MCF2L2: variants seen among roughly 807,000 people sequenced by gnomAD.
MCF2L2 encodes the protein MCF.2 cell line derived transforming sequence-like 2, also known as probable guanine nucleotide exchange factor MCF2L2.
In MCF2L2, 102 loss-of-function variants were observed where a neutral mutation model predicts 150.2. The ratio of observed to expected loss-of-function variants is 0.68; its 90% CI spans 0.58 to 0.80. MCF2L2 has a LOEUF of 0.80. Among genes scored for constraint, MCF2L2 ranks in the 30% least tolerant of loss-of-function variants. The pLI is 0.00. For synonymous variants in MCF2L2, 465 were observed against 491.3 expected (o/e 0.95, Z 0.71); for missense variants, 1,256 against 1,372.8 (o/e 0.91, Z 1.34).
At chr3:183,361,002 A>AG (rs1577091323) in intron 3 of MCF2L2, among the ~76,000 whole-genome samples, 24 of 137,082 alleles carry the variant, frequency 1.8e-4, no homozygotes, top group African/African-American at 5.9e-4. Flanking sequence ...AGAAAAGAAA[A>AG]GAAAAGAAAA....
rs112332785 is a variant in MCF2L2, at chr3:183,188,745, A to G, written c.3016+4254T>C. 1.9e-3 allele frequency among the ~76,000 whole-genome samples: 288 copies of G among 152,294 alleles called. 2 individuals carry two copies. Among genetic ancestry groups the G allele is most frequent in the African/African-American group, 6.7e-3 (277 of 41,552 alleles). The stretch of plus-strand genomic sequence containing the variant: ...CACTCTGGGAGGCAGAGGGGGATGG[A>G]TCACTAGAGGTCAGGAGTTCAAGAC... On this transcript the variant is annotated intron_variant, in intron 27 of 29. Transcript: ENST00000328913.
At chr3:183,336,929 TCCA>T (rs891100162) in intron 5 of MCF2L2, among the ~76,000 whole-genome samples, 1 of 151,682 alleles carries the variant, frequency 6.6e-6, no homozygotes, top group Non-Finnish European at 1.5e-5. Context: ...CCAATTAGTC[TCCA>T]CCACCCCTCA....
chr3:183,359,001 G>A (rs1375380737), intron 3 of MCF2L2, among the ~76,000 whole-genome samples: 2 of 142,432 alleles, frequency 1.4e-5, no homozygotes, highest in African/African-American at 5.6e-5. Context: ...AAAGTTCATT[G>A]GGTTTTTTTT....
chr3:183,270,379 A>G lies in MCF2L2; in HGVS notation c.1862+6493T>C, dbSNP rs1726643518. The G allele has an allele frequency of 6.2e-7, 1 of 1,614,116 alleles. No individual in the cohort carries two copies. The highest frequency in any genetic ancestry group is 1.3e-5 in the African/African-American group (1 of 74,942). On this transcript the variant is annotated intron_variant, in intron 15 of 29. Coordinates refer to ENST00000328913, the MANE Select transcript of MCF2L2 (RefSeq NM_015078.4). This position sits in a 1 kb window ranked among gnomAD's most constrained non-coding sequence, Gnocchi z 4.5. ...GCCAAATTTCTTATGACTGCTGATGATGACATATTTATTCACATGCCAAAT... is the reference window on the plus strand; with the variant it reads ...GCCAAATTTCTTATGACTGCTGATGGTGACATATTTATTCACATGCCAAAT...
chr3:183,317,982 T>C (rs1464105734), intron 7 of MCF2L2, 86 bp downstream of exon 7: 2 of 1,507,612 alleles, frequency 1.3e-6, no homozygotes, highest in Non-Finnish European at 1.8e-6. Flanking sequence ...AGGGCTTAAC[T>C]GTTAATTCTG....
chr3:183,351,005 ACTC>A (rs1331499218), intron 3 of MCF2L2, among the ~76,000 whole-genome samples: 1 of 151,182 alleles, frequency 6.6e-6, no homozygotes, highest in Non-Finnish European at 1.5e-5. Context: ...GTAACACTAT[ACTC>A]CTTCATTTTC....
intron 3 of MCF2L2, among the ~76,000 whole-genome samples, chr3:183,343,975 G>A (rs7640709): frequency 0.26 from 38,763 of 151,714 alleles, 7,147 homozygotes; most frequent in African/African-American, 0.52. Context: ...GTTCAAGGCC[G>A]GCCTGAGCAA....
Position 183,310,268 on chromosome 3 carries a change from G to A in MCF2L2, c.994-433C>T, listed in dbSNP as rs563502955. On this transcript the variant is annotated intron_variant, in intron 9 of 29. Coordinates refer to ENST00000328913, the MANE Select transcript of MCF2L2 (RefSeq NM_015078.4). ...TGTAATCCCAGCACTTTGGGAGACC[G>A]AGGCAGGTAGGTCACAGAGGTCAGG... 3.3e-5 allele frequency among the ~76,000 whole-genome samples: 5 copies of A among 152,240 alleles called. No homozygotes were observed. The South Asian group carries it at 6.2e-4, about 19-fold the overall frequency.
At chr3:183,242,053 C>T (rs1240705807) in intron 15 of MCF2L2, among the ~76,000 whole-genome samples, 1 of 152,140 alleles carries the variant, frequency 6.6e-6, no homozygotes, top group Non-Finnish European at 1.5e-5. Flanking sequence ...ATTCAGGGCA[C>T]CTGGCAGAAG....
intron 15 of MCF2L2, chr3:183,272,340 T>G: frequency 2.0e-6 from 2 of 1,000,268 alleles, no homozygotes; most frequent in Non-Finnish European, 2.4e-6. Context: ...CAAGAGTGAC[T>G]GAACTCACTC....
chr3:183,384,766 G>T (rs79368927), intron 2 of MCF2L2, among the ~76,000 whole-genome samples: 5,010 of 152,176 alleles, frequency 0.033, 247 homozygotes, highest in African/African-American at 0.1. Context: ...AATTCCCCTG[G>T]TTCTGTCTGG....
At chr3:183,330,951 C>T (rs1413679041) in intron 5 of MCF2L2, among the ~76,000 whole-genome samples, 1 of 152,082 alleles carries the variant, frequency 6.6e-6, no homozygotes, top group Admixed American at 6.6e-5. Context: ...TTGTGGCCTC[C>T]ATGACTAGGA....
chr3:183,271,157 A>G (rs1438713838), intron 15 of MCF2L2: 1 of 412,620 alleles, frequency 2.4e-6, no homozygotes, highest in South Asian at 6.2e-5. Flanking sequence ...GAAAAGGTTT[A>G]TATTATTAGT....
intron 14 of MCF2L2, among the ~76,000 whole-genome samples, chr3:183,284,539 T>C (rs958973040): frequency 2.6e-5 from 4 of 152,034 alleles, no homozygotes; most frequent in Non-Finnish European, 5.9e-5. Context: ...CTGTCTCTAC[T>C]AGAAATACAA....
At chr3:183,367,973 G>A (rs1271226404) in intron 3 of MCF2L2, among the ~76,000 whole-genome samples, 20 of 152,158 alleles carry the variant, frequency 1.3e-4, no homozygotes, top group Admixed American at 5.2e-4. Context: ...TGCATGACAT[G>A]GTGGAACAGC....
In MCF2L2 at chr3:183,385,701, G is replaced by A. The variant is rs751784121; in HGVS notation, c.160+3995C>T. Among the ~76,000 whole-genome samples the A allele has an allele frequency of 1.4e-4, 21 of 152,304 alleles. No individual in the cohort carries two copies. The East Asian group carries it at 1.7e-3, about 13-fold the overall frequency. On this transcript the variant is annotated intron_variant, in intron 2 of 29. Coordinates refer to ENST00000328913, the MANE Select transcript of MCF2L2 (RefSeq NM_015078.4). The stretch of plus-strand genomic sequence containing the variant: ...TTAAAGGAAAGGAGCTGTGGCAAAC[G>A]TTGATTGATGGCTAATTCACTCCCA...
intron 1 of MCF2L2, among the ~76,000 whole-genome samples, chr3:183,423,068 G>A (rs754923065): frequency 6.6e-6 from 1 of 152,142 alleles, no homozygotes; most frequent in Non-Finnish European, 1.5e-5. Flanking sequence ...AGCCCTTGAA[G>A]AGTCTGTGAA....
intron 21 of MCF2L2, among the ~76,000 whole-genome samples, chr3:183,219,122 TAGAGTTC>T (rs1560349127): frequency 6.6e-6 from 1 of 152,072 alleles, no homozygotes; most frequent in Non-Finnish European, 1.5e-5. Flanking sequence ...GGCAGACTCT[TAGAGTTC>T]ACACACACGC....
At chr3:183,210,030 C>T (rs1380955136) in intron 22 of MCF2L2, among the ~76,000 whole-genome samples, 1 of 152,078 alleles carries the variant, frequency 6.6e-6, no homozygotes, top group Admixed American at 6.5e-5. Flanking sequence ...TATTCACTCT[C>T]TACCTCATTT....
Sources: gnomAD v4.1 joint callset for allele counts (sites outside exome capture counted in the v4.1 genomes callset) on GRCh38, gnomAD v4.1.1 for gene constraint, Gnocchi (gnomAD v3.1) non-coding constraint, MANE v1.5 for transcripts, NCBI Gene and HGNC (gene_info 2026-07-23, HGNC 2026-07-21) for gene names.